The following DISC1 variants were observed in gnomAD, a reference collection of about 807,000 sequenced individuals.
DISC1 encodes DISC1 scaffold protein.
A neutral mutation model predicts 84.5 loss-of-function variants in DISC1; 57 were observed. The ratio of observed to expected loss-of-function variants is 0.67; its 90% CI spans 0.55 to 0.84. DISC1 has a LOEUF of 0.84. DISC1 is among the 40% of genes least tolerant of loss of function. DISC1 has a pLI of 0.00. For missense variants in DISC1, 1,000 were observed against 1,057.8 expected (o/e 0.95, Z 0.76); for synonymous variants, 411 against 415.2 (o/e 0.99, Z 0.12).
At chr1:231,776,895 G>T (rs1319200834) in intron 6 of DISC1, among the ~76,000 whole-genome samples, 1 of 152,166 alleles carries the variant, frequency 6.6e-6, no homozygotes, top group Non-Finnish European at 1.5e-5. Flanking sequence ...CGTGGAAGCA[G>T]CTGTGTGGGA....
At chr1:231,927,360 C>T (rs950238027) in intron 9 of DISC1, among the ~76,000 whole-genome samples, 4 of 152,228 alleles carry the variant, frequency 2.6e-5, no homozygotes, top group Non-Finnish European at 5.9e-5. Flanking sequence ...TAGATTTCTG[C>T]ATAGCCTGAT....
chr1:231,907,318 C>T (rs992780575), intron 9 of DISC1, among the ~76,000 whole-genome samples: 41 of 150,826 alleles, frequency 2.7e-4, no homozygotes, highest in African/African-American at 8.1e-4. Flanking sequence ...CCTCCCCACT[C>T]CCCCCACCCC....
intron 9 of DISC1, among the ~76,000 whole-genome samples, chr1:231,890,560 G>T (rs1216509283): frequency 6.6e-6 from 1 of 152,156 alleles, no homozygotes; most frequent in Non-Finnish European, 1.5e-5. Context: ...TTATTGCCAG[G>T]GGCTCCAGCC....
chr1:231,779,687 G>C (rs1205796463), intron 6 of DISC1, among the ~76,000 whole-genome samples: 1 of 151,248 alleles, frequency 6.6e-6, no homozygotes, highest in Non-Finnish European at 1.5e-5. Context: ...AGCCGCCGGA[G>C]TAGCTGGGAC....
intron 9 of DISC1, among the ~76,000 whole-genome samples, chr1:231,924,598 G>A (rs2090223729): frequency 6.6e-6 from 1 of 152,060 alleles, no homozygotes; most frequent in Admixed American, 6.6e-5. Flanking sequence ...GGAGTTCTCT[G>A]GCTATTCTGA....
intron 9 of DISC1, among the ~76,000 whole-genome samples, chr1:231,831,594 C>T (rs797006026): frequency 1.2e-3 from 174 of 143,396 alleles, no homozygotes; most frequent in Middle Eastern, 3.6e-3. Flanking sequence ...TGGGATCTGA[C>T]GCCTTTTGAT....
chr1:231,801,484 T>C (rs1343188137), intron 8 of DISC1, among the ~76,000 whole-genome samples: 3 of 152,232 alleles, frequency 2.0e-5, no homozygotes, highest in Admixed American at 6.5e-5. Context: ...AGATGGTATA[T>C]TGCGTATGGC....
At chr1:231,923,800 C>A (rs946096904) in intron 9 of DISC1, among the ~76,000 whole-genome samples, 10 of 152,096 alleles carry the variant, frequency 6.6e-5, no homozygotes, top group African/African-American at 2.4e-4. Flanking sequence ...TCCTGTGGCG[C>A]CTTTGTATAT....
intron 8 of DISC1, among the ~76,000 whole-genome samples, chr1:231,804,399 A>G (rs975196402): frequency 6.6e-6 from 1 of 152,080 alleles, no homozygotes; most frequent in Non-Finnish European, 1.5e-5. Context: ...GCATCTAGGA[A>G]GTGTCAGATC....
At chr1:231,961,275 G>A (rs1660342208) in intron 10 of DISC1, among the ~76,000 whole-genome samples, 1 of 152,218 alleles carries the variant, frequency 6.6e-6, no homozygotes, top group African/African-American at 2.4e-5. Flanking sequence ...GCTTCTCTGT[G>A]CAGCGTTTCT....
intron 8 of DISC1, among the ~76,000 whole-genome samples, chr1:231,801,776 A>G (rs1283696472): frequency 6.7e-6 from 1 of 150,176 alleles, no homozygotes; most frequent in South Asian, 2.1e-4. Context: ...CCCTCACTCC[A>G]TTAGGTAAGA....
At position 231,912,736 on chromosome 1, in the gene DISC1, C is replaced by G. The variant is rs529378034; in HGVS notation, c.1982-46092C>G. ...CAGACAGGGACATTTAAGTCTGCAG[C>G]TTGCTCTTCTTTCTTTCTTTCTTTC... On this transcript the variant is annotated intron_variant, in intron 9 of 12. Transcript: ENST00000439617. 1.7e-3 allele frequency among the ~76,000 whole-genome samples: 239 copies of G among 138,294 alleles called. 3 individuals are homozygous for G. The highest frequency in any genetic ancestry group is 0.011 in the Admixed American group (141 of 13,040). The allele number at this position is 138,294 out of a possible 152,430, so 90.7% of individuals were successfully genotyped here.
chr1:232,003,654 A>G (rs1048604950), intron 10 of DISC1, among the ~76,000 whole-genome samples: 2 of 152,132 alleles, frequency 1.3e-5, no homozygotes, highest in Non-Finnish European at 2.9e-5. Context: ...TTGGACATAT[A>G]TGGAAAATTT....
At chr1:231,641,263 G>A (rs777771463) in intron 1 of DISC1, among the ~76,000 whole-genome samples, 9 of 152,282 alleles carry the variant, frequency 5.9e-5, no homozygotes, top group East Asian at 5.8e-4. Flanking sequence ...TCTTAAAGGC[G>A]GCGTGTCTGG....
At chr1:231,702,939 G>A (rs919951903) in intron 3 of DISC1, among the ~76,000 whole-genome samples, 2 of 152,186 alleles carry the variant, frequency 1.3e-5, no homozygotes, top group Middle Eastern at 3.2e-3. Flanking sequence ...GGACACCCAG[G>A]ATTGGTATGG....
At chr1:231,720,247 C>G (rs2069458965) in intron 3 of DISC1, among the ~76,000 whole-genome samples, 1 of 152,166 alleles carries the variant, frequency 6.6e-6, no homozygotes, top group African/African-American at 2.4e-5. Context: ...GCAGGTACCC[C>G]ACTATAGTCT....
At chr1:231,705,580 C>G (rs2066991294) in intron 3 of DISC1, among the ~76,000 whole-genome samples, 2 of 151,936 alleles carry the variant, frequency 1.3e-5, no homozygotes, top group Non-Finnish European at 1.5e-5. Context: ...AAATGGATCA[C>G]AAAAGGGCTC....
At chr1:231,994,989 C>T (rs911907713) in intron 10 of DISC1, among the ~76,000 whole-genome samples, 1 of 152,060 alleles carries the variant, frequency 6.6e-6, no homozygotes, top group East Asian at 1.9e-4. Flanking sequence ...ACATGTTCCT[C>T]GTTAAATACT....
chr1:231,843,763 A>G (rs1344074917), intron 9 of DISC1, among the ~76,000 whole-genome samples: 4 of 152,202 alleles, frequency 2.6e-5, no homozygotes, highest in African/African-American at 9.7e-5. Flanking sequence ...AATCAAGGCC[A>G]TAAGAACAGC....
Sources: gnomAD v4.1 joint callset for allele counts (sites outside exome capture counted in the v4.1 genomes callset) on GRCh38, gnomAD v4.1.1 for gene constraint, MANE v1.5 for transcripts, NCBI Gene and HGNC (gene_info 2026-07-23, HGNC 2026-07-21) for gene names.